Variants in LAMA2 observed in about 807,000 individuals in gnomAD.
LAMA2 encodes laminin subunit alpha 2.
A neutral mutation model predicts 364.8 loss-of-function variants in LAMA2; 269 were observed. That is an observed-to-expected ratio of 0.74 (90% CI 0.67 to 0.82). The LOEUF (loss-of-function observed/expected upper bound fraction) is 0.82, where lower values mean the gene tolerates loss of function less well. Among genes scored for constraint, LAMA2 ranks in the 40% least tolerant of loss-of-function variants. The pLI is 0.00. For synonymous variants in LAMA2, 1,379 were observed against 1,370.6 expected, an observed-to-expected ratio of 1.01 and a Z score of -0.14; for missense variants, 3,807 against 3,873.2, an observed-to-expected ratio of 0.98 and a Z score of 0.45.
intron 1 of LAMA2, among the ~76,000 whole-genome samples, chr6:129,006,826 A>C (rs1784467851): frequency 6.6e-6 from 1 of 152,104 alleles, no homozygotes. Flanking sequence ...CTTCTCACTG[A>C]CATTTTATGC....
chr6:129,226,651 A>G (rs946246178), intron 12 of LAMA2, among the ~76,000 whole-genome samples: 2 of 151,934 alleles, frequency 1.3e-5, no homozygotes, highest in African/African-American at 4.8e-5. Context: ...AGAATGTTGA[A>G]TATTGGCCCC....
chr6:129,431,272 G>A (rs1781575899), intron 41 of LAMA2, among the ~76,000 whole-genome samples: 1 of 151,880 alleles, frequency 6.6e-6, no homozygotes, highest in African/African-American at 2.4e-5. Context: ...GGTGGTGGGT[G>A]CCTGTAATCC....
intron 1 of LAMA2, among the ~76,000 whole-genome samples, chr6:128,977,312 T>C (rs1582808523): frequency 6.7e-6 from 1 of 149,570 alleles, no homozygotes; most frequent in Non-Finnish European, 1.5e-5. Context: ...CAGGCTGGAG[T>C]GCAGTAGTGA....
intron 33 of LAMA2, among the ~76,000 whole-genome samples, chr6:129,368,932 G>T (rs1777924181): frequency 6.6e-6 from 1 of 152,188 alleles, no homozygotes; most frequent in African/African-American, 2.4e-5. Flanking sequence ...AACAAAGTGG[G>T]ATTTATTAAC....
intron 41 of LAMA2, 39 bp from the exon 42 acceptor site, chr6:129,438,607 A>G: frequency 2.9e-6 from 3 of 1,036,158 alleles, no homozygotes; most frequent in Non-Finnish European, 4.6e-6. Flanking sequence ...CAGGGATGAT[A>G]AAACTTATTT....
intron 21 of LAMA2, among the ~76,000 whole-genome samples, chr6:129,300,176 T>A (rs1773461349): frequency 6.6e-6 from 1 of 152,210 alleles, no homozygotes; most frequent in Admixed American, 6.5e-5. Flanking sequence ...AAATCGAAAG[T>A]ATCTTTATAT....
chr6:128,917,247 A>G (rs1206537773), intron 1 of LAMA2, among the ~76,000 whole-genome samples: 1 of 152,068 alleles, frequency 6.6e-6, no homozygotes, highest in East Asian at 1.9e-4. Context: ...GAAACTATAT[A>G]TAAACAAAAA....
chr6:128,922,974 C>T (rs1000657206), intron 1 of LAMA2, among the ~76,000 whole-genome samples: 48 of 148,346 alleles, frequency 3.2e-4, no homozygotes, highest in South Asian at 1.7e-3. Flanking sequence ...GAATCCTTTC[C>T]GCATTGCTTG....
chr6:129,362,223 C>T (rs996674933), intron 32 of LAMA2, among the ~76,000 whole-genome samples: 11 of 152,172 alleles, frequency 7.2e-5, no homozygotes, highest in Non-Finnish European at 1.6e-4. Flanking sequence ...TGAAATCCTT[C>T]AGGCAGGTAT....
chr6:129,226,054 CT>C (rs769573899), intron 12 of LAMA2, among the ~76,000 whole-genome samples: 1 of 152,156 alleles, frequency 6.6e-6, no homozygotes, highest in Non-Finnish European at 1.5e-5. Flanking sequence ...ATAGTTAGCT[CT>C]TCTTGTTGAA....
intron 1 of LAMA2, among the ~76,000 whole-genome samples, chr6:128,962,218 G>T (rs1378927272): frequency 2.4e-5 from 3 of 125,614 alleles, no homozygotes; most frequent in African/African-American, 6.0e-5. Flanking sequence ...ACATATTTAT[G>T]ACTTAACTCT....
chr6:128,940,980 T>G (rs1218252620), intron 1 of LAMA2, among the ~76,000 whole-genome samples: 2 of 152,112 alleles, frequency 1.3e-5, no homozygotes, highest in Non-Finnish European at 2.9e-5. Flanking sequence ...AAGAAAGTTT[T>G]AATAAGCAGA....
At chr6:129,269,045 G>A (rs1229669372) in intron 16 of LAMA2, among the ~76,000 whole-genome samples, 1 of 151,906 alleles carries the variant, frequency 6.6e-6, no homozygotes, top group Non-Finnish European at 1.5e-5. Context: ...TAAGTAGCAT[G>A]GTTTTTAGCA....
rs771231135 is a variant in LAMA2, at chr6:129,505,394, G to T, written c.8703+39G>T. 9 of 1,522,270 alleles carry T rather than the reference G, an allele frequency of 5.9e-6. No homozygotes were observed. The African/African-American group carries it at 1.1e-4, about 19-fold the overall frequency. 94.3% of individuals were successfully genotyped at this position (1,522,270 alleles called of 1,614,324 possible). A position where few individuals can be genotyped will look rare whatever the true frequency, so the allele number is the denominator to read the frequency against. ...TTCTTCTTTATTACTTAAATATATG[G>T]CTGATTCATTTATTGATATATTTTG... On this transcript the variant is annotated intron_variant, in intron 61 of 64. Coordinates refer to ENST00000421865, the MANE Select transcript of LAMA2 (RefSeq NM_000426.4).
chr6:129,026,810 A>G (rs1785858355), intron 1 of LAMA2, among the ~76,000 whole-genome samples: 1 of 152,164 alleles, frequency 6.6e-6, no homozygotes, highest in Non-Finnish European at 1.5e-5. Context: ...TTTTCAAGCC[A>G]GATGTCCCTT....
chr6:129,505,455 G>A lies in LAMA2; in HGVS notation c.8703+100G>A, dbSNP rs1562632157. 9.1e-6 allele frequency: 8 copies of A among 883,572 alleles called. No homozygotes were observed. The East Asian group carries it at 2.0e-4, about 22-fold the overall frequency. 54.7% of individuals were successfully genotyped at this position (883,572 alleles called of 1,614,324 possible). A position where few individuals can be genotyped will look rare whatever the true frequency, so the allele number is the denominator to read the frequency against. On this transcript the variant is annotated intron_variant, in intron 61 of 64. Coordinates refer to ENST00000421865, the MANE Select transcript of LAMA2 (RefSeq NM_000426.4). ...TCACATGGGCCCATGAAAACTGATAGGTGAATAGGAAGTCATCTTTTCTGA... is the reference window on the plus strand; with the variant it reads ...TCACATGGGCCCATGAAAACTGATAAGTGAATAGGAAGTCATCTTTTCTGA...
At chr6:129,191,102 C>T (rs768179040) in intron 11 of LAMA2, among the ~76,000 whole-genome samples, 6 of 151,946 alleles carry the variant, frequency 3.9e-5, no homozygotes, top group East Asian at 3.9e-4. Context: ...GAAGTCTAGA[C>T]GGGGGAATGA....
intron 6 of LAMA2, 111 bp from the exon 7 acceptor site, chr6:129,148,868 T>C (rs1778634251): frequency 2.4e-6 from 2 of 822,558 alleles, no homozygotes; most frequent in Admixed American, 1.7e-5. Flanking sequence ...TTTTACATTT[T>C]AGTACACAGT....
intron 1 of LAMA2, among the ~76,000 whole-genome samples, chr6:128,949,905 C>T (rs771962296): frequency 1.6e-4 from 25 of 152,148 alleles, no homozygotes; most frequent in South Asian, 8.3e-4. Context: ...TTTAACTAGA[C>T]GATTTGAAAC....
Sources: gnomAD v4.1 joint callset for allele counts (sites outside exome capture counted in the v4.1 genomes callset) on GRCh38, gnomAD v4.1.1 for gene constraint, MANE v1.5 for transcripts, NCBI Gene and HGNC (gene_info 2026-07-23, HGNC 2026-07-21) for gene names.